The following PGBD5 variants were observed in gnomAD, a reference collection of about 807,000 sequenced individuals.
PGBD5 encodes the protein piggyBac transposable element-derived protein 5.
PGBD5 carries 14 observed loss-of-function variants against 47.9 expected under a neutral mutation model. The observed-to-expected ratio is 0.29, with a 90% CI of 0.19 to 0.46. PGBD5 has a LOEUF of 0.46. Among genes scored for constraint, PGBD5 ranks in the 20% least tolerant of loss-of-function variants. The pLI is 1.00. For synonymous variants in PGBD5, 316 were observed against 306.3 expected, an observed-to-expected ratio of 1.03 and a Z score of -0.33; for missense variants, 635 against 716.0, an observed-to-expected ratio of 0.89 and a Z score of 1.29.
chr1:230,344,761 C>T (rs1268519600), intron 3 of PGBD5, among the ~76,000 whole-genome samples: 1 of 152,212 alleles, frequency 6.6e-6, no homozygotes, highest in Non-Finnish European at 1.5e-5. Flanking sequence ...GCTTCTAATG[C>T]CCATCTACTT....
intron 1 of PGBD5, among the ~76,000 whole-genome samples, chr1:230,375,771 G>A (rs998153841): frequency 4.0e-5 from 6 of 148,290 alleles, no homozygotes; most frequent in African/African-American, 1.3e-4. Context: ...CCCTAGACAC[G>A]TACTAGTGTT....
intron 5 of PGBD5, among the ~76,000 whole-genome samples, chr1:230,331,928 C>T (rs1346356576): frequency 6.7e-6 from 1 of 149,840 alleles, no homozygotes; most frequent in Non-Finnish European, 1.5e-5. Flanking sequence ...CGTGATGCAA[C>T]TTAAGCTGGC....
chr1:230,409,255 C>T (rs1362908670), intron 1 of PGBD5, among the ~76,000 whole-genome samples: 1 of 152,178 alleles, frequency 6.6e-6, no homozygotes, highest in African/African-American at 2.4e-5. Context: ...CATACACTGC[C>T]ACTGGGATTG....
chr1:230,325,253 T>C (rs1298119297), intron 6 of PGBD5, 57 bp downstream of exon 6: 29 of 1,286,986 alleles, frequency 2.3e-5, no homozygotes, highest in Admixed American at 3.6e-5. Flanking sequence ...ATTACATCTC[T>C]TCCGAGACGG....
At position 230,314,517 on chromosome 1, in the gene PGBD5, C is replaced by T. The variant is rs935902997; in HGVS notation, c.*8908G>A. The T allele has an allele frequency of 6.7e-6, 1 of 150,268 alleles. No individual in the cohort carries two copies. The allele number at this position is 150,268 out of a possible 1,614,324, so 9.3% of individuals were successfully genotyped here. A position where few individuals can be genotyped will look rare whatever the true frequency, so the allele number is the denominator to read the frequency against. ...GATGTATTTGACTGTATTTCAAAGGCAGTGACTGTAAACAAACTTGGTTGA... is the reference window on the plus strand; with the variant it reads ...GATGTATTTGACTGTATTTCAAAGGTAGTGACTGTAAACAAACTTGGTTGA... On this transcript the variant is annotated 3_prime_UTR_variant, in exon 7 of 7. Coordinates refer to ENST00000391860, the MANE Select transcript of PGBD5 (RefSeq NM_001258311.2).
chr1:230,350,425 G>A (rs1337132726), intron 3 of PGBD5, among the ~76,000 whole-genome samples: 2 of 152,140 alleles, frequency 1.3e-5, no homozygotes, highest in African/African-American at 4.8e-5. Context: ...CCTATGACTC[G>A]GGCACGTGCT....
At position 230,327,216 on chromosome 1, in the gene PGBD5, A is replaced by AT. The variant is rs752888686; in HGVS notation, c.1274-1802dup. Among the ~76,000 whole-genome samples, 1,161 of 147,528 alleles carry AT rather than the reference A, an allele frequency of 7.9e-3. 1 individual carries two copies. Among genetic ancestry groups the AT allele is most frequent in the Non-Finnish European group, 9.7e-3 (644 of 66,530 alleles). ...TATGGGCACAGTGCCATTTTTCTGTATTTTTTTTTTTAAGGCATTGGCTCA... is the reference window on the plus strand; with the variant it reads ...TATGGGCACAGTGCCATTTTTCTGTATTTTTTTTTTTTAAGGCATTGGCTCA... On this transcript the variant is annotated intron_variant, in intron 5 of 6. Transcript: ENST00000391860.
At chr1:230,343,346 G>C (rs12085984) in intron 3 of PGBD5, among the ~76,000 whole-genome samples, 2 of 152,168 alleles carry the variant, frequency 1.3e-5, no homozygotes, top group African/African-American at 4.8e-5. Context: ...TTGAAGAGTC[G>C]AAGTTCTTTA....
chr1:230,333,682 G>A (rs964745958), intron 4 of PGBD5, among the ~76,000 whole-genome samples: 13 of 152,228 alleles, frequency 8.5e-5, no homozygotes, highest in Admixed American at 4.6e-4. Flanking sequence ...TATTTGATGC[G>A]AAGGAAAGAA....
chr1:230,398,225 AG>A lies in PGBD5; in HGVS notation c.331+27372del, dbSNP rs143388726. ...TTCATTTGCTAAGCAACCATAACAAAGTACCACAGAACGGTGGCTTAAACAA... is the reference window on the plus strand; with the variant it reads ...TTCATTTGCTAAGCAACCATAACAAATACCACAGAACGGTGGCTTAAACAA... On this transcript the variant is annotated intron_variant, in intron 1 of 6. Coordinates refer to ENST00000391860, the MANE Select transcript of PGBD5 (RefSeq NM_001258311.2). Among the ~76,000 whole-genome samples, 348 of 152,330 alleles carry A rather than the reference AG, an allele frequency of 2.3e-3. 16 individuals carry two copies. In the East Asian group the frequency reaches 0.054, roughly 24 times the overall value.
intron 1 of PGBD5, among the ~76,000 whole-genome samples, chr1:230,383,801 T>C (rs148169110): frequency 6.6e-6 from 1 of 152,342 alleles, no homozygotes; most frequent in Non-Finnish European, 1.5e-5. Flanking sequence ...CTTTTGCCTC[T>C]ATTTCTGGCT....
At chr1:230,393,935 G>A (rs1000179218) in intron 1 of PGBD5, among the ~76,000 whole-genome samples, 2 of 151,568 alleles carry the variant, frequency 1.3e-5, no homozygotes, top group African/African-American at 2.4e-5. Context: ...CCTAGAGTCC[G>A]CCACACCTGC....
chr1:230,338,210 A>T (rs1667355940), intron 3 of PGBD5, among the ~76,000 whole-genome samples: 1 of 152,242 alleles, frequency 6.6e-6, no homozygotes, highest in African/African-American at 2.4e-5. Context: ...AAATTGCTGC[A>T]GCACAAATGA....
intron 2 of PGBD5, among the ~76,000 whole-genome samples, chr1:230,354,472 C>T (rs1211672030): frequency 6.6e-6 from 1 of 152,198 alleles, no homozygotes. Context: ...GCAAGGGAGT[C>T]AGGGGAGGGA....
chr1:230,375,920 G>T (rs1668004877), intron 1 of PGBD5, among the ~76,000 whole-genome samples: 2 of 151,766 alleles, frequency 1.3e-5, no homozygotes, highest in South Asian at 4.2e-4. Context: ...TCTGGCCTTT[G>T]TTGGTTGTGT....
At position 230,323,701 on chromosome 1, in the gene PGBD5, C is replaced by T. The variant is rs901417572; in HGVS notation, c.1380-81G>A. ...GCATCCCAAAGGCCCCCCCTCACCA[C>T]AGCCCGTGAGACGCTGCAGGTTCGC... On this transcript the variant is annotated intron_variant, in intron 6 of 6. Transcript: ENST00000391860. The surrounding 1 kb of genome is among the most constrained non-coding windows in gnomAD (Gnocchi z 4.1). The T allele has an allele frequency of 2.9e-6, 4 of 1,399,736 alleles. No homozygotes were observed. The African/African-American group carries it at 5.7e-5, about 20-fold the overall frequency. The allele number at this position is 1,399,736 out of a possible 1,614,324, so 86.7% of individuals were successfully genotyped here. A position where few individuals can be genotyped will look rare whatever the true frequency, so the allele number is the denominator to read the frequency against.
intron 1 of PGBD5, among the ~76,000 whole-genome samples, chr1:230,416,415 C>CA (rs1019638622): frequency 2.6e-5 from 4 of 151,884 alleles, no homozygotes; most frequent in South Asian, 2.1e-4. Flanking sequence ...TTCAAGCATT[C>CA]AAAAAAAACT....
At chr1:230,358,412 G>A (rs955245499) in intron 1 of PGBD5, among the ~76,000 whole-genome samples, 4 of 152,062 alleles carry the variant, frequency 2.6e-5, no homozygotes, top group Non-Finnish European at 4.4e-5. Context: ...TCATCACTTG[G>A]GGCCTGAAAA....
In PGBD5 at chr1:230,332,831, G is replaced by A. The variant is rs766426691; in HGVS notation, c.1273+13C>T. 47 of 1,613,978 alleles carry A rather than the reference G, an allele frequency of 2.9e-5. No individual in the cohort carries two copies. The highest frequency in any genetic ancestry group is 8.3e-5 in the Admixed American group (5 of 60,008). Reference sequence around the variant, plus strand: ...CGCGCGCCCCACTGTGTCAATGGCGGACCCGCACTCACCCTGCTGCACCGG... The same window carrying A: ...CGCGCGCCCCACTGTGTCAATGGCGAACCCGCACTCACCCTGCTGCACCGG... On this transcript the variant is annotated intron_variant, in intron 5 of 6. Transcript: ENST00000391860.
Sources: allele counts gnomAD v4.1 joint callset (sites outside exome capture counted in the v4.1 genomes callset), GRCh38; gene constraint gnomAD v4.1.1; non-coding constraint Gnocchi (gnomAD v3.1); transcripts MANE v1.5; gene names NCBI Gene and HGNC (gene_info 2026-07-23, HGNC 2026-07-21).